Variants in MIDN observed in about 807,000 individuals in gnomAD.
MIDN encodes the protein midnolin.
MIDN carries 26 observed loss-of-function variants against 46.1 expected under a neutral mutation model. That is an observed-to-expected ratio of 0.56 (90% CI 0.41 to 0.78). MIDN has a LOEUF of 0.78. Ranked by LOEUF, MIDN falls within the 30% of genes least tolerant of loss-of-function variation. The pLI is 0.00. For synonymous variants in MIDN, 432 were observed against 343.3 expected, an observed-to-expected ratio of 1.26 and a Z score of -2.86; for missense variants, 850 against 771.8, an observed-to-expected ratio of 1.10 and a Z score of -1.20.
intron 8 of MIDN, among the ~76,000 whole-genome samples, chr19:1,256,130 G>A (rs1030076439): frequency 6.6e-6 from 1 of 152,262 alleles, no homozygotes; most frequent in Non-Finnish European, 1.5e-5. Flanking sequence ...CCAGAAGATG[G>A]CTACTGTACT....
Position 1,250,433 on chromosome 19 carries a change from C to T in MIDN, c.137C>T (p.Ala46Val). 2 of 1,378,782 alleles carry T rather than the reference C, an allele frequency of 1.5e-6. No homozygotes were observed. The highest frequency in any genetic ancestry group is 1.9e-6 in the Non-Finnish European group (2 of 1,044,472). The allele number at this position is 1,378,782 out of a possible 1,614,324, so 85.4% of individuals were successfully genotyped here. Residue 46 changes from alanine (A) to valine (V), a missense_variant, in exon 2 of 9, where the codon GCC (alanine) becomes GTC (valine). Physicochemically the swap from Ala to Val is moderately conservative, Grantham distance 64. Transcript: ENST00000682408. ...ACCACGGGCACCCGCTACGACCTGG[C>T]CGTGCCGCCCGACGAGACGGTGGAG... ...HSTTGTRYDL[A>V]VPPDETVEGL...
Position 1,255,966 on chromosome 19 carries a change from C to T in MIDN, c.1258+272C>T, listed in dbSNP as rs919661206. ...ATCATCTCCAGATGGCATTTGGTGCCTCTGTGAATGGCCAAGTCAGGCCTG... is the reference window on the plus strand; with the variant it reads ...ATCATCTCCAGATGGCATTTGGTGCTTCTGTGAATGGCCAAGTCAGGCCTG... On this transcript the variant is annotated intron_variant, in intron 8 of 8. Coordinates refer to ENST00000682408, the MANE Select transcript of MIDN (RefSeq NM_001388306.1). Among the ~76,000 whole-genome samples the T allele has an allele frequency of 4.6e-5, 7 of 152,270 alleles. No individual in the cohort carries two copies. The East Asian group carries it at 5.8e-4, about 13-fold the overall frequency.
chr19:1,255,870 G>A (rs1568794956), intron 8 of MIDN, among the ~76,000 whole-genome samples, 176 bp downstream of exon 8: 1 of 152,230 alleles, frequency 6.6e-6, no homozygotes, highest in Non-Finnish European at 1.5e-5. Context: ...GTGTGTCAGG[G>A]CACAAAGTGT....
intron 1 of MIDN, among the ~76,000 whole-genome samples, chr19:1,249,491 C>T (rs1215316709): frequency 2.0e-5 from 3 of 149,704 alleles, no homozygotes; most frequent in Non-Finnish European, 3.0e-5. Flanking sequence ...CCGGCCGCTC[C>T]CTTGGGATCG....
chr19:1,255,663 C>G lies in MIDN; in HGVS notation c.1227C>G (p.Gly409=). Residue 409 remains glycine (G), a synonymous_variant, in exon 8 of 9, where the codon GGC becomes GGG. Coordinates refer to ENST00000682408, the MANE Select transcript of MIDN (RefSeq NM_001388306.1). ...CCCCCTCAGCCTCCCTGCTGCAGGG[C>G]CAGAGCCAGATCCGCATGTGCAAGC... is the stretch of plus-strand genomic sequence containing the variant. ...TAAPSASLLQ[G]QSQIRMCKPP... 3 of 1,598,336 alleles carry G rather than the reference C, an allele frequency of 1.9e-6. No individual in the cohort carries two copies. Among genetic ancestry groups the G allele is most frequent in the Admixed American group, 3.4e-5 (2 of 59,580 alleles).
chr19:1,249,150 C>G (rs2081090260), intron 1 of MIDN, among the ~76,000 whole-genome samples: 1 of 150,126 alleles, frequency 6.7e-6, no homozygotes, highest in South Asian at 2.1e-4. Flanking sequence ...CGCGTCACGT[C>G]ACGGCTCGAG....
At chr19:1,250,713 G>A (rs1439943041) in intron 2 of MIDN, among the ~76,000 whole-genome samples, 184 bp downstream of exon 2, 1 of 151,190 alleles carries the variant, frequency 6.6e-6, no homozygotes, top group East Asian at 2.0e-4. Flanking sequence ...CGGGGTCGCC[G>A]CACAAAGGCG....
At chr19:1,251,251 G>A (rs754791511) in intron 2 of MIDN, 19 of 361,532 alleles carry the variant, frequency 5.3e-5, no homozygotes, top group Non-Finnish European at 9.1e-5. Context: ...GGGTCGTGGG[G>A]GAAGGTGGCA....
At chr19:1,254,581 C>G (rs2081174889) in intron 6 of MIDN, 103 bp downstream of exon 6, 3 of 1,266,608 alleles carry the variant, frequency 2.4e-6, no homozygotes, top group Non-Finnish European at 3.3e-6. Context: ...CCAGGTGAGT[C>G]CCTTGTATTA....
chr19:1,256,096 C>T (rs1337586446), intron 8 of MIDN, among the ~76,000 whole-genome samples: 3 of 152,226 alleles, frequency 2.0e-5, no homozygotes, highest in East Asian at 3.9e-4. Flanking sequence ...TCCCAAACGG[C>T]GGGTTACTCC....
chr19:1,256,891 C>T (rs2081205285), intron 8 of MIDN, 104 bp from the exon 9 acceptor site: 5 of 1,533,596 alleles, frequency 3.3e-6, no homozygotes, highest in Non-Finnish European at 2.6e-6. Context: ...CCAGGGAGGG[C>T]AGGACTGTGT....
At chr19:1,249,111 C>A (rs2081089805) in intron 1 of MIDN, among the ~76,000 whole-genome samples, 1 of 151,196 alleles carries the variant, frequency 6.6e-6, no homozygotes, top group Admixed American at 6.6e-5. Flanking sequence ...ACCGCATCCC[C>A]GAGCGCGCGC....
chr19:1,254,107 G>A (rs756880033), intron 5 of MIDN, 25 bp downstream of exon 5: 40 of 1,543,150 alleles, frequency 2.6e-5, no homozygotes, highest in Admixed American at 1.3e-4. Flanking sequence ...GGACTGGGCC[G>A]GGCTGGGCTG....
At position 1,254,054 on chromosome 19, in the gene MIDN, G is replaced by A. The variant is rs1469924804; in HGVS notation, c.485G>A (p.Ser162Asn). ...CCGTGGCACCGACAGGGACCCCAGA[G>A]CCCAGAGAGGGGCGGCGAGAGGCCC... ...KRPWHRQGPQ[S>N]PERGGERPQV... Residue 162 changes from serine (S) to asparagine (N), a missense_variant, in exon 5 of 9, where the codon AGC becomes AAC. Physicochemically the swap from Ser to Asn is conservative, Grantham distance 46 (BLOSUM62 1). Transcript: ENST00000682408. The A allele has an allele frequency of 2.7e-6, 4 of 1,460,990 alleles. No individual in the cohort carries two copies. The highest frequency in any genetic ancestry group is 2.7e-5 in the East Asian group (1 of 36,504). 90.5% of individuals were successfully genotyped at this position (1,460,990 alleles called of 1,614,324 possible).
In MIDN at chr19:1,258,233, C is replaced by T. The variant is rs1488502041; in HGVS notation, c.*961C>T. ...CTGGGTGCTGGGGAGTTCCCCCCTC[C>T]GAGCCCTCCTTCCCGGCCCAACCTG... On this transcript the variant is annotated 3_prime_UTR_variant, in exon 9 of 9. Coordinates refer to ENST00000682408, the MANE Select transcript of MIDN (RefSeq NM_001388306.1). 6.6e-6 allele frequency: 1 copy of T among 152,624 alleles called. No homozygotes were observed. Among genetic ancestry groups the T allele is most frequent in the Non-Finnish European group, 1.5e-5 (1 of 68,078 alleles). The allele number at this position is 152,624 out of a possible 1,614,324, so 9.5% of individuals were successfully genotyped here.
Position 1,258,226 on chromosome 19 carries a change from C to A in MIDN, c.*954C>A, listed in dbSNP as rs1040964046. 6.6e-6 allele frequency: 1 copy of A among 152,618 alleles called. No homozygotes were observed. The highest frequency in any genetic ancestry group is 1.5e-5 in the Non-Finnish European group (1 of 68,072). The allele number at this position is 152,618 out of a possible 1,614,324, so 9.5% of individuals were successfully genotyped here. ...AGAATGGCTGGGTGCTGGGGAGTTC[C>A]CCCCTCCGAGCCCTCCTTCCCGGCC... On this transcript the variant is annotated 3_prime_UTR_variant, in exon 9 of 9. Coordinates refer to ENST00000682408, the MANE Select transcript of MIDN (RefSeq NM_001388306.1).
In MIDN at chr19:1,254,964, C is replaced by G. The variant is rs920170951; in HGVS notation, c.888C>G (p.Thr296=). ...GTCCTGGTGCCAGCACCACGTCTACCCCAGGGGCCAGCCCTGCCCCCCGCT... is the reference window on the plus strand; with the variant it reads ...GTCCTGGTGCCAGCACCACGTCTACGCCAGGGGCCAGCCCTGCCCCCCGCT... ...SASPGASTTS[T]PGASPAPRSR... Residue 296 remains threonine (T), a synonymous_variant, in exon 7 of 9, where the codon ACC becomes ACG. Coordinates refer to ENST00000682408, the MANE Select transcript of MIDN (RefSeq NM_001388306.1). 1 of 1,612,802 alleles carries G rather than the reference C, an allele frequency of 6.2e-7. No individual in the cohort carries two copies. Among genetic ancestry groups the G allele is most frequent in the Admixed American group, 1.7e-5 (1 of 59,996 alleles).
intron 4 of MIDN, among the ~76,000 whole-genome samples, chr19:1,252,964 G>A (rs879729521): frequency 3.3e-4 from 50 of 151,798 alleles, no homozygotes; most frequent in Admixed American, 7.9e-4. Flanking sequence ...GGCTGCGGTT[G>A]GCAGGGGGCC....
At chr19:1,251,069 G>A (rs1384100776) in intron 2 of MIDN, among the ~76,000 whole-genome samples, 2 of 151,936 alleles carry the variant, frequency 1.3e-5, no homozygotes, top group Non-Finnish European at 2.9e-5. Flanking sequence ...GAGGGGCGGA[G>A]GGGGAGGGTC....
Sources: allele counts gnomAD v4.1 joint callset (sites outside exome capture counted in the v4.1 genomes callset), GRCh38; gene constraint gnomAD v4.1.1; transcripts MANE v1.5; gene names NCBI Gene and HGNC (gene_info 2026-07-23, HGNC 2026-07-21).